Variants in LRRFIP1 observed in about 807,000 individuals in gnomAD.
The protein encoded by LRRFIP1 is LRR binding FLII interacting protein 1, also known as leucine-rich repeat flightless-interacting protein 1.
Under a neutral mutation model 104.4 loss-of-function variants are expected in LRRFIP1, and 62 were observed. The observed-to-expected ratio is 0.59, with a 90% confidence interval of 0.48 to 0.73. LRRFIP1 has a LOEUF of 0.73. Among genes scored for constraint, LRRFIP1 ranks in the 30% least tolerant of loss-of-function variants. LRRFIP1 has a pLI of 0.00. For missense variants in LRRFIP1, 796 were observed against 824.5 expected, an observed-to-expected ratio of 0.97 and a Z score of 0.42; for synonymous variants, 300 against 299.0, an observed-to-expected ratio of 1.00 and a Z score of -0.03.
chr2:237,679,852 C>T (rs1412002473), intron 1 of LRRFIP1, among the ~76,000 whole-genome samples: 1 of 152,220 alleles, frequency 6.6e-6, no homozygotes, highest in Admixed American at 6.5e-5. Flanking sequence ...GGGTGATCCA[C>T]CCGCCTCGGC....
rs1278520916 is a variant in LRRFIP1 at position 237,703,251 on chromosome 2, C to T, written c.97-5293C>T. Among the ~76,000 whole-genome samples the T allele has an allele frequency of 1.3e-5, 2 of 152,116 alleles. No homozygotes were observed. Among genetic ancestry groups the T allele is most frequent in the Non-Finnish European group, 2.9e-5 (2 of 68,016 alleles). On this transcript the variant is annotated intron_variant, in intron 1 of 23. Transcript: ENST00000308482. The surrounding 1 kb of genome is among the most constrained non-coding windows in gnomAD (Gnocchi z 4.3). ...GCCCTTTGCAGTTTTTGCTTTGTAT[C>T]CTAAACTCCACAGGCCCGAACCCTG...
Position 237,703,668 on chromosome 2 carries a change from C to T in LRRFIP1, c.97-4876C>T, listed in dbSNP as rs2093656580. On this transcript the variant is annotated intron_variant, in intron 1 of 23. Coordinates refer to ENST00000308482, the MANE Select transcript of LRRFIP1 (RefSeq NM_001137550.2). This position sits in a 1 kb window ranked among gnomAD's most constrained non-coding sequence, Gnocchi z 4.3. ...GTCAAGTTCTCCAGAGCAGCCCCCGCCCCTGCCACACGTTTCTTCCCCCAT... is the reference window on the plus strand; with the variant it reads ...GTCAAGTTCTCCAGAGCAGCCCCCGTCCCTGCCACACGTTTCTTCCCCCAT... Among the ~76,000 whole-genome samples the T allele has an allele frequency of 6.6e-6, 1 of 152,046 alleles. No homozygotes were observed. Among genetic ancestry groups the T allele is most frequent in the Admixed American group, 6.5e-5 (1 of 15,274 alleles).
intron 1 of LRRFIP1, among the ~76,000 whole-genome samples, chr2:237,682,241 G>A (rs2091920548): frequency 6.6e-6 from 1 of 152,234 alleles, no homozygotes; most frequent in African/African-American, 2.4e-5. Context: ...GGAATGAGCT[G>A]CCAGACGGAA....
chr2:237,704,015 C>G (rs1340894964), intron 1 of LRRFIP1, among the ~76,000 whole-genome samples: 1 of 152,098 alleles, frequency 6.6e-6, no homozygotes, highest in Non-Finnish European at 1.5e-5. Flanking sequence ...GCCTGAGGTG[C>G]CCTGATCCCC....
intron 22 of LRRFIP1, among the ~76,000 whole-genome samples, chr2:237,773,395 G>A (rs1254499440): frequency 3.3e-5 from 5 of 151,994 alleles, no homozygotes; most frequent in African/African-American, 4.8e-5. Context: ...AAAATTAGCC[G>A]GGCATGGTGG....
At chr2:237,671,301 C>T (rs1290211018) in intron 1 of LRRFIP1, among the ~76,000 whole-genome samples, 1 of 152,306 alleles carries the variant, frequency 6.6e-6, no homozygotes, top group South Asian at 2.1e-4. Context: ...GGCCTTCAAA[C>T]CAGCTAAGGC....
chr2:237,770,030 G>A, intron 20 of LRRFIP1, 38 bp downstream of exon 20: 3 of 1,548,326 alleles, frequency 1.9e-6, no homozygotes, highest in Non-Finnish European at 2.6e-6. Context: ...TTCATGAACA[G>A]GGCACCTGAA....
At position 237,780,882 on chromosome 2, in the gene LRRFIP1, G is replaced by A. The variant is rs1344294640; in HGVS notation, c.*1350G>A. 1.3e-5 allele frequency among the ~76,000 whole-genome samples: 2 copies of A among 152,178 alleles called. No homozygotes were observed. The highest frequency in any genetic ancestry group is 2.9e-5 in the Non-Finnish European group (2 of 68,032). ...AGATTTTTGTATCTCCTTGTGCAGA[G>A]GATATTTGCCACTGCCCATTGGGAA... is the stretch of plus-strand genomic sequence containing the variant. On this transcript the variant is annotated 3_prime_UTR_variant, in exon 24 of 24. Coordinates refer to ENST00000308482, the MANE Select transcript of LRRFIP1 (RefSeq NM_001137550.2).
chr2:237,764,053 GC>G (rs1559834731), intron 19 of LRRFIP1: 1 of 1,614,252 alleles, frequency 6.2e-7, no homozygotes. Flanking sequence ...CAGGAAGAGA[GC>G]CAGGGCACTT....
chr2:237,779,720 C>T lies in LRRFIP1; in HGVS notation c.*188C>T. On this transcript the variant is annotated 3_prime_UTR_variant, in exon 24 of 24. Coordinates refer to ENST00000308482, the MANE Select transcript of LRRFIP1 (RefSeq NM_001137550.2). ...GAGCCCCAGCAGCCACCAGGTGCCT[C>T]TGTCTGCAGACCCCTGGCCCGGGCT... 1.9e-6 allele frequency: 1 copy of T among 520,214 alleles called. No homozygotes were observed. The highest frequency in any genetic ancestry group is 2.1e-5 in the South Asian group (1 of 48,176). The allele number at this position is 520,214 out of a possible 1,614,324, so 32.2% of individuals were successfully genotyped here.
intron 19 of LRRFIP1, among the ~76,000 whole-genome samples, chr2:237,767,525 AT>A (rs2060321716): frequency 6.6e-6 from 1 of 152,226 alleles, no homozygotes; most frequent in African/African-American, 2.4e-5. Flanking sequence ...AGGAAGATGG[AT>A]TTTTACTTAT....
intron 1 of LRRFIP1, among the ~76,000 whole-genome samples, chr2:237,695,498 C>G (rs1559568940): frequency 6.6e-6 from 1 of 152,206 alleles, no homozygotes; most frequent in Non-Finnish European, 1.5e-5. Flanking sequence ...AGAGGAACTT[C>G]TTATCCCCGA....
chr2:237,632,797 C>A (rs1048734962), intron 1 of LRRFIP1, among the ~76,000 whole-genome samples: 1 of 146,884 alleles, frequency 6.8e-6, no homozygotes, highest in Non-Finnish European at 1.5e-5. Flanking sequence ...CAGGACTGAG[C>A]CCAGCTGCAA....
intron 1 of LRRFIP1, chr2:237,692,324 C>T (rs968466056): frequency 1.6e-6 from 2 of 1,231,426 alleles, no homozygotes; most frequent in Non-Finnish European, 2.0e-6. Flanking sequence ...CCCGGAAGCG[C>T]GAGCGTTCAC....
At chr2:237,737,406 T>A (rs1294431900) in intron 10 of LRRFIP1, among the ~76,000 whole-genome samples, 2 of 152,230 alleles carry the variant, frequency 1.3e-5, no homozygotes, top group Non-Finnish European at 2.9e-5. Context: ...GCTTTCTGAC[T>A]TCTGCACATT....
In LRRFIP1 at chr2:237,691,695, C is replaced by A. The variant is rs557211185; in HGVS notation, c.97-16849C>A. 1.3e-5 allele frequency among the ~76,000 whole-genome samples: 2 copies of A among 152,036 alleles called. No individual in the cohort carries two copies. Among genetic ancestry groups the A allele is most frequent in the Admixed American group, 6.5e-5 (1 of 15,284 alleles). ...GCCCAGCCCCGGGCAGGTCCCCCCC[C>A]GGAGGGGACCCCCTCTTCGGGTCGA... On this transcript the variant is annotated intron_variant, in intron 1 of 23. Transcript: ENST00000308482. This position sits in a 1 kb window ranked among gnomAD's most constrained non-coding sequence, Gnocchi z 5.4.
chr2:237,774,040 T>A (rs2150932155), intron 22 of LRRFIP1: 2 of 276,142 alleles, frequency 7.2e-6, no homozygotes, highest in East Asian at 8.5e-5. Context: ...ACCAGCACCA[T>A]TCTGCCTGTT....
intron 13 of LRRFIP1, among the ~76,000 whole-genome samples, chr2:237,749,822 C>T (rs1338351231): frequency 2.6e-5 from 4 of 152,066 alleles, no homozygotes; most frequent in African/African-American, 4.8e-5. Flanking sequence ...TTTTATCCCA[C>T]TGTAGTGTAG....
chr2:237,642,382 G>A (rs1238469775), intron 1 of LRRFIP1, among the ~76,000 whole-genome samples: 1 of 152,214 alleles, frequency 6.6e-6, no homozygotes, highest in Non-Finnish European at 1.5e-5. Context: ...CTAGGCTGAG[G>A]GTTTTGGTTC....
Sources: gnomAD v4.1 joint callset for allele counts (sites outside exome capture counted in the v4.1 genomes callset) on GRCh38, gnomAD v4.1.1 for gene constraint, Gnocchi (gnomAD v3.1) non-coding constraint, MANE v1.5 for transcripts, NCBI Gene and HGNC (gene_info 2026-07-23, HGNC 2026-07-21) for gene names.